The following RPE65 variants were observed in gnomAD, a reference collection of about 807,000 sequenced individuals.
RPE65 encodes the protein retinoid isomerohydrolase.
In RPE65, 58 loss-of-function variants were observed where a neutral mutation model predicts 68.5. The observed-to-expected ratio is 0.85, with a 90% CI of 0.69 to 1.05. RPE65 has a LOEUF of 1.05. RPE65 is among the 50% of genes least tolerant of loss of function. The probability of loss-of-function intolerance (pLI) is 0.00; values close to 1 mark genes in which losing one functional copy is unlikely to be tolerated. For missense variants in RPE65, 643 were observed against 629.9 expected, an observed-to-expected ratio of 1.02 and a Z score of -0.22; for synonymous variants, 220 against 222.2, an observed-to-expected ratio of 0.99 and a Z score of 0.09.
intron 10 of RPE65, among the ~76,000 whole-genome samples, chr1:68,431,891 AAAACAAAAACC>A (rs778210417): frequency 1.4e-4 from 21 of 152,244 alleles, no homozygotes; most frequent in Admixed American, 2.6e-4. Context: ...GAAAAACAAA[AAAACAAAAACC>A]AAACAAAAAT....
At chr1:68,429,951 C>T (rs1260865091) in intron 13 of RPE65, 24 bp from the exon 14 acceptor site, 1 of 1,613,068 alleles carries the variant, frequency 6.2e-7, no homozygotes, top group African/African-American at 1.3e-5. Context: ...GTAAATTAGG[C>T]AATATTGAGT....
intron 10 of RPE65, among the ~76,000 whole-genome samples, chr1:68,436,444 CTATTTATTTATTTATTTATTTATT>C (rs71071305): frequency 6.8e-6 from 1 of 147,490 alleles, no homozygotes; most frequent in South Asian, 2.2e-4. Context: ...CCTGTTACTT[CTATTTATTTATTTATTTATTTATT>C]TATTTATTTA....
At chr1:68,442,129 T>C (rs985759133) in intron 5 of RPE65, among the ~76,000 whole-genome samples, 2 of 152,256 alleles carry the variant, frequency 1.3e-5, no homozygotes, top group Non-Finnish European at 1.5e-5. Flanking sequence ...GAAAGTTCTA[T>C]TGGACAGCCC....
intron 1 of RPE65, among the ~76,000 whole-genome samples, chr1:68,449,527 A>G (rs1645967272): frequency 6.6e-6 from 1 of 152,216 alleles, no homozygotes; most frequent in Admixed American, 6.5e-5. Flanking sequence ...CAGTAACATA[A>G]TGGAGTAAAA....
Position 68,431,036 on chromosome 1 carries a change from T to C in RPE65, c.1450+29A>G, listed in dbSNP as rs190487172. 15 of 1,549,460 alleles carry C rather than the reference T, an allele frequency of 9.7e-6. No individual in the cohort carries two copies. The East Asian group carries it at 3.1e-4, about 32-fold the overall frequency. On this transcript the variant is annotated intron_variant, in intron 13 of 13. Coordinates refer to ENST00000262340, the MANE Select transcript of RPE65 (RefSeq NM_000329.3). Reference sequence around the variant, plus strand: ...ACATACAGAACTGCAGTAAGAAGAGTATTCAGACACAACAATTGCTTTCAT... The same window carrying C: ...ACATACAGAACTGCAGTAAGAAGAGCATTCAGACACAACAATTGCTTTCAT...
At chr1:68,441,134 A>T in intron 5 of RPE65, 134 bp from the exon 6 acceptor site, 1 of 1,061,804 alleles carries the variant, frequency 9.4e-7, no homozygotes. Flanking sequence ...ATCTCTCTGG[A>T]TTCTACCCTC....
chr1:68,448,727 G>A (rs768450520), intron 1 of RPE65, 21 bp from the exon 2 acceptor site: 17 of 1,607,426 alleles, frequency 1.1e-5, no homozygotes, highest in African/African-American at 1.3e-5. Flanking sequence ...GGAAGAATAA[G>A]GAAGAAGCCC....
chr1:68,439,396 T>C (rs750010088), intron 7 of RPE65, 73 bp from the exon 8 acceptor site: 114 of 1,598,918 alleles, frequency 7.1e-5, no homozygotes, highest in Middle Eastern at 4.9e-4. Flanking sequence ...TGTATATATG[T>C]GGTATGCTCA....
At chr1:68,432,007 C>T (rs966899049) in intron 10 of RPE65, among the ~76,000 whole-genome samples, 3 of 148,732 alleles carry the variant, frequency 2.0e-5, no homozygotes, top group African/African-American at 5.0e-5. Flanking sequence ...TTCGTTCACA[C>T]GTAGAATATG....
At chr1:68,440,000 A>G (rs767815070) in intron 6 of RPE65, among the ~76,000 whole-genome samples, 1 of 152,164 alleles carries the variant, frequency 6.6e-6, no homozygotes, top group African/African-American at 2.4e-5. Context: ...TGCCCAAAGG[A>G]TATAGTTTAG....
intron 5 of RPE65, among the ~76,000 whole-genome samples, chr1:68,441,794 TATTTCCAATTA>T (rs548843513): frequency 6.6e-6 from 1 of 151,160 alleles, no homozygotes; most frequent in South Asian, 2.1e-4. Context: ...TAACCAAAAT[TATTTCCAATTA>T]ATTAGGGAGA....
At position 68,429,040 on chromosome 1, in the gene RPE65, A is replaced by C. The variant is rs1241156941; in HGVS notation, c.*736T>G. 1 of 120,418 alleles carries C rather than the reference A, an allele frequency of 8.3e-6. No homozygotes were observed. Among genetic ancestry groups the C allele is most frequent in the Non-Finnish European group, 1.7e-5 (1 of 60,242 alleles). 7.5% of individuals were successfully genotyped at this position (120,418 alleles called of 1,614,324 possible). On this transcript the variant is annotated 3_prime_UTR_variant, in exon 14 of 14. Coordinates refer to ENST00000262340, the MANE Select transcript of RPE65 (RefSeq NM_000329.3). The stretch of plus-strand genomic sequence containing the variant: ...TTTAGTAAATATTACATTTTTAAGC[A>C]TTTTATGCTGTTTTTTTAAATATAG...
In RPE65 at chr1:68,440,970, C is replaced by T; in HGVS notation, c.526G>A (p.Gly176Arg). 6.2e-7 allele frequency: 1 copy of T among 1,613,942 alleles called. No homozygotes were observed. The highest frequency in any genetic ancestry group is 8.5e-7 in the Non-Finnish European group (1 of 1,179,894). Reference sequence around the variant, plus strand: ...TCAATGTGGGGGTGAGCAGTGGCCCCATTGACAGAGACATAGTTGCAAAGA... The same window carrying T: ...TCAATGTGGGGGTGAGCAGTGGCCCTATTGACAGAGACATAGTTGCAAAGA... ...VDLCNYVSVN[G>R]ATAHPHIEND... The change falls in exon 6 of 14, where the codon GGG becomes AGG. Residue 176 changes from glycine to arginine, a missense_variant. Gly to Arg is a moderately radical substitution (Grantham distance 125). Coordinates refer to ENST00000262340, the MANE Select transcript of RPE65 (RefSeq NM_000329.3).
intron 5 of RPE65, among the ~76,000 whole-genome samples, chr1:68,442,206 C>G (rs541295020): frequency 6.6e-6 from 1 of 152,336 alleles, no homozygotes; most frequent in East Asian, 1.9e-4. Flanking sequence ...GAAGCGCCAT[C>G]TAGCCCAGAC....
rs2100819283 is a variant in RPE65 at position 68,439,318 on chromosome 1, C to T, written c.731G>A (p.Gly244Asp). 6.2e-7 allele frequency: 1 copy of T among 1,613,382 alleles called. No homozygotes were observed. The highest frequency in any genetic ancestry group is 8.5e-7 in the Non-Finnish European group (1 of 1,179,946). The change falls in exon 8 of 14, where the codon GGT (glycine) becomes GAT (aspartate). Residue 244 changes from glycine to aspartate, a missense_variant. By Grantham distance (94) the Gly-to-Asp change is moderately conservative (BLOSUM62 -1). Coordinates refer to ENST00000262340, the MANE Select transcript of RPE65 (RefSeq NM_000329.3). ...RFKPSYVHSF[G>D]LTPNYIVFVE... ...AAAAACGATATAGTTGGGAGTCAGACCAAAACTGTTCAGAAACACAAATGG... is the reference window on the plus strand; with the variant it reads ...AAAAACGATATAGTTGGGAGTCAGATCAAAACTGTTCAGAAACACAAATGG...
rs760099873 is a variant in RPE65 at position 68,431,090 on chromosome 1, G to C, written c.1425C>G (p.His475Gln). 2 of 1,613,592 alleles carry C rather than the reference G, an allele frequency of 1.2e-6. No homozygotes were observed. The highest frequency in any genetic ancestry group is 2.2e-5 in the South Asian group (2 of 91,078). Residue 475 changes from histidine to glutamine, a missense_variant, in exon 13 of 14, where the codon CAC (histidine) becomes CAG (glutamine). Physicochemically the swap from His to Gln is conservative, Grantham distance 24. Transcript: ENST00000262340. ...CATCATCTTCTTCCAAGGCATCTGG[G>C]TGAGAAACAAAGATGGGTTCTGATG... is the stretch of plus-strand genomic sequence containing the variant. ...SYPSEPIFVSHPDALEEDDGV... is the reference protein window; with the variant it reads ...SYPSEPIFVSQPDALEEDDGV...
In RPE65 at chr1:68,429,736, C is replaced by T; in HGVS notation, c.*40G>A. On this transcript the variant is annotated 3_prime_UTR_variant, in exon 14 of 14. Coordinates refer to ENST00000262340, the MANE Select transcript of RPE65 (RefSeq NM_000329.3). ...TGATTGCAGACCTGAAGCTGATTTT[C>T]TCAGTTTTGCTACCAAAAACATATC... 2 of 1,612,526 alleles carry T rather than the reference C, an allele frequency of 1.2e-6. No homozygotes were observed. Among genetic ancestry groups the T allele is most frequent in the Non-Finnish European group, 1.7e-6 (2 of 1,179,060 alleles).
chr1:68,443,279 G>A (rs1039427891), intron 5 of RPE65, among the ~76,000 whole-genome samples: 1 of 152,174 alleles, frequency 6.6e-6, no homozygotes, highest in African/African-American at 2.4e-5. Flanking sequence ...GGGAAGATAC[G>A]GAAATGTCAG....
At position 68,438,098 on chromosome 1, in the gene RPE65, C is replaced by CT. The variant is rs2100816660; in HGVS notation, c.1128+88dup. On this transcript the variant is annotated intron_variant, in intron 10 of 13. Transcript: ENST00000262340. Reference sequence around the variant, plus strand: ...TCCTTCTAGCTCTCAAATTTCAAGACTTTATGTATAAACATGAGGCAGGAG... The same window carrying CT: ...TCCTTCTAGCTCTCAAATTTCAAGACTTTTATGTATAAACATGAGGCAGGAG... The CT allele has an allele frequency of 7.2e-6, 11 of 1,523,224 alleles. No individual in the cohort carries two copies. The South Asian group carries it at 1.2e-4, about 16-fold the overall frequency. The allele number at this position is 1,523,224 out of a possible 1,614,324, so 94.4% of individuals were successfully genotyped here.
Sources: allele counts gnomAD v4.1 joint callset (sites outside exome capture counted in the v4.1 genomes callset), GRCh38; gene constraint gnomAD v4.1.1; transcripts MANE v1.5; gene names NCBI Gene and HGNC (gene_info 2026-07-23, HGNC 2026-07-21).